TSC22D2: variants seen among roughly 807,000 people sequenced by gnomAD.
TSC22D2 encodes TSC22 domain family member 2, also known as TSC22 domain family protein 2.
In TSC22D2, 5 loss-of-function variants were observed where a neutral mutation model predicts 50.1. The observed-to-expected ratio is 0.10, with a 90% CI of 0.05 to 0.21. The LOEUF is 0.21. Among genes scored for constraint, TSC22D2 ranks in the 10% least tolerant of loss-of-function variants. The pLI is 1.00. For missense variants in TSC22D2, 1,003 were observed against 1,015.5 expected, an observed-to-expected ratio of 0.99 and a Z score of 0.17; for synonymous variants, 501 against 450.1, an observed-to-expected ratio of 1.11 and a Z score of -1.43.
At position 150,408,792 on chromosome 3, in the gene TSC22D2, G is replaced by A; in HGVS notation, c.-559G>A. 1 of 153,168 alleles carries A rather than the reference G, an allele frequency of 6.5e-6. No individual in the cohort carries two copies. Among genetic ancestry groups the A allele is most frequent in the Non-Finnish European group, 1.5e-5 (1 of 68,616 alleles). The allele number at this position is 153,168 out of a possible 1,614,324, so 9.5% of individuals were successfully genotyped here. On this transcript the variant is annotated 5_prime_UTR_variant, in exon 1 of 3. Coordinates refer to ENST00000688009, the MANE Select transcript of TSC22D2 (RefSeq NM_001303264.2). ...GGCCCGCGGCTCCCGGCTGAATTAG[G>A]CATCTCCGACTCCGGACTCGCCGCT...
intron 1 of TSC22D2, among the ~76,000 whole-genome samples, chr3:150,454,719 G>T (rs1305231538): frequency 2.0e-5 from 3 of 152,108 alleles, no homozygotes; most frequent in Non-Finnish European, 2.9e-5. Flanking sequence ...TCACTATAGT[G>T]GTAGTAATTA....
At chr3:150,420,271 A>C (rs1719962163) in intron 1 of TSC22D2, among the ~76,000 whole-genome samples, 1 of 152,166 alleles carries the variant, frequency 6.6e-6, no homozygotes, top group Admixed American at 6.5e-5. Context: ...CAGTGTTTGG[A>C]GACTAATTAT....
intron 1 of TSC22D2, among the ~76,000 whole-genome samples, chr3:150,417,637 A>T (rs2108064872): frequency 6.6e-6 from 1 of 152,210 alleles, no homozygotes; most frequent in South Asian, 2.1e-4. Context: ...GGAGAGTTTT[A>T]AGGAATTAAA....
chr3:150,426,557 G>A (rs191434954), intron 1 of TSC22D2, among the ~76,000 whole-genome samples: 9 of 152,276 alleles, frequency 5.9e-5, no homozygotes, highest in African/African-American at 2.2e-4. Flanking sequence ...AGAAACTTCA[G>A]CTAGACTAAA....
intron 1 of TSC22D2, among the ~76,000 whole-genome samples, chr3:150,428,860 C>T (rs1224424141): frequency 6.6e-6 from 1 of 152,078 alleles, no homozygotes; most frequent in African/African-American, 2.4e-5. Flanking sequence ...TAAACAGATC[C>T]CTTGGGAAAT....
intron 1 of TSC22D2, among the ~76,000 whole-genome samples, chr3:150,426,997 A>G (rs1037214637): frequency 2.0e-5 from 3 of 152,048 alleles, no homozygotes; most frequent in African/African-American, 7.2e-5. Flanking sequence ...TTTTGAAGCT[A>G]GGAATAAATT....
chr3:150,437,062 C>G lies in TSC22D2; in HGVS notation c.1959-20014C>G, dbSNP rs371522993. ...ATTTAGGGGATTAATTTAGGCAAAA[C>G]TATGCCCACAAATCTATGGGTTTCC... On this transcript the variant is annotated intron_variant, in intron 1 of 2. Transcript: ENST00000688009. Among the ~76,000 whole-genome samples the G allele has an allele frequency of 5.3e-5, 8 of 152,240 alleles. No individual in the cohort carries two copies. The South Asian group carries it at 8.3e-4, about 16-fold the overall frequency.
chr3:150,415,350 A>G (rs1184856574), intron 1 of TSC22D2, among the ~76,000 whole-genome samples: 1 of 152,262 alleles, frequency 6.6e-6, no homozygotes, highest in East Asian at 1.9e-4. Context: ...TGTGTGAATA[A>G]TACAGATTTC....
intron 1 of TSC22D2, among the ~76,000 whole-genome samples, chr3:150,421,104 A>C (rs1180667857): frequency 6.6e-6 from 1 of 152,142 alleles, no homozygotes; most frequent in Non-Finnish European, 1.5e-5. Flanking sequence ...ATAAATAATA[A>C]AGTTCTTTTA....
chr3:150,458,910 A>G lies in TSC22D2; in HGVS notation c.*274A>G. On this transcript the variant is annotated 3_prime_UTR_variant, in exon 3 of 3. Transcript: ENST00000688009. ...GTCTGCATTTTACCTGGTGCGCATG[A>G]GTGGGGTCTTTAAGAGTTTTGGTGG... 3.0e-6 allele frequency: 1 copy of G among 333,632 alleles called. No homozygotes were observed. The highest frequency in any genetic ancestry group is 5.5e-6 in the Non-Finnish European group (1 of 182,930). 20.7% of individuals were successfully genotyped at this position (333,632 alleles called of 1,614,324 possible). A position where few individuals can be genotyped will look rare whatever the true frequency, so the allele number is the denominator to read the frequency against.
chr3:150,455,326 T>G (rs956014945), intron 1 of TSC22D2, among the ~76,000 whole-genome samples: 2 of 152,212 alleles, frequency 1.3e-5, no homozygotes, highest in Admixed American at 6.5e-5. Context: ...ATAGTCATAC[T>G]TTGCACAGCT....
At chr3:150,432,738 T>A (rs1430618989) in intron 1 of TSC22D2, among the ~76,000 whole-genome samples, 1 of 152,178 alleles carries the variant, frequency 6.6e-6, no homozygotes, top group Non-Finnish European at 1.5e-5. Context: ...TTTAAAATTT[T>A]AAATTCACAC....
At chr3:150,439,135 A>T (rs1028913875) in intron 1 of TSC22D2, among the ~76,000 whole-genome samples, 1 of 152,128 alleles carries the variant, frequency 6.6e-6, no homozygotes, top group Admixed American at 6.6e-5. Context: ...GTCCAAGGTG[A>T]TATAATTGTA....
At chr3:150,431,224 C>CAAAAAAAAAAAA (rs71138443) in intron 1 of TSC22D2, among the ~76,000 whole-genome samples, 6 of 27,970 alleles carry the variant, frequency 2.1e-4, no homozygotes, top group African/African-American at 8.2e-4. Context: ...GGCTCTGTCT[C>CAAAAAAAAAAAA]AAAAAAAAAA....
intron 1 of TSC22D2, among the ~76,000 whole-genome samples, chr3:150,432,991 C>G (rs1720427555): frequency 6.6e-6 from 1 of 152,062 alleles, no homozygotes; most frequent in Non-Finnish European, 1.5e-5. Context: ...TGATACAGAG[C>G]TTTTAAATGC....
intron 1 of TSC22D2, among the ~76,000 whole-genome samples, chr3:150,432,879 G>C (rs1720424931): frequency 1.3e-5 from 2 of 152,128 alleles, no homozygotes; most frequent in Admixed American, 6.5e-5. Flanking sequence ...AGAGATGACT[G>C]ACTCTATTCT....
At chr3:150,441,746 T>G (rs1720724126) in intron 1 of TSC22D2, among the ~76,000 whole-genome samples, 1 of 152,194 alleles carries the variant, frequency 6.6e-6, no homozygotes, top group Middle Eastern at 3.4e-3. Flanking sequence ...AGAGTGAGAC[T>G]CAGTCTCAAT....
chr3:150,427,424 C>G (rs1409043569), intron 1 of TSC22D2, among the ~76,000 whole-genome samples: 2 of 152,000 alleles, frequency 1.3e-5, no homozygotes, highest in African/African-American at 4.8e-5. Flanking sequence ...TGACCTCTTT[C>G]ATCCAGTATT....
chr3:150,417,400 A>G (rs1359342029), intron 1 of TSC22D2, among the ~76,000 whole-genome samples: 1 of 152,130 alleles, frequency 6.6e-6, no homozygotes, highest in Non-Finnish European at 1.5e-5. Flanking sequence ...TTTGCTTGGC[A>G]TACCGTCTAC....
Sources: gnomAD v4.1 joint callset for allele counts (sites outside exome capture counted in the v4.1 genomes callset) on GRCh38, gnomAD v4.1.1 for gene constraint, MANE v1.5 for transcripts, NCBI Gene and HGNC (gene_info 2026-07-23, HGNC 2026-07-21) for gene names.